Variants in ETDA observed in about 807,000 individuals in gnomAD.
ETDA encodes embryonic testis differentiation homolog A.
At chrX:135,253,200 A>T in intron 2 of ETDA, 28 bp from the exon 3 acceptor site, 1 of 277,658 alleles carries the variant, frequency 3.6e-6, no homozygotes, top group Admixed American at 6.8e-5. Flanking sequence ...GGTACACTTG[A>T]TTACCTAGAA....
At chrX:135,252,416 GT>G (rs2083782953) in intron 1 of ETDA, among the ~76,000 whole-genome samples, 150 bp from the exon 2 acceptor site, 2 of 71,207 alleles carry the variant, frequency 2.8e-5, no homozygotes, top group South Asian at 1.8e-3. Context: ...GCAGAACTGG[GT>G]TTTTGGGGAT....
In ETDA at chrX:135,253,518, G is replaced by C; in HGVS notation, c.*62G>C. 1 of 294,572 alleles carries C rather than the reference G, an allele frequency of 3.4e-6. No individual in the cohort carries two copies. Among genetic ancestry groups the C allele is most frequent in the Non-Finnish European group, 5.9e-6 (1 of 169,147 alleles). The allele number at this position is 294,572 out of a possible 1,213,427, so 24.3% of individuals were successfully genotyped here. A position where few individuals can be genotyped will look rare whatever the true frequency, so the allele number is the denominator to read the frequency against. On this transcript the variant is annotated 3_prime_UTR_variant, in exon 3 of 3. Coordinates refer to ENST00000427686, the MANE Select transcript of ETDA (RefSeq NM_001355522.1). Reference sequence around the variant, plus strand: ...TCATGTGGCTTACGTGCTGAAGCCTGCCCATATTTTTGAGAAATTAAATAT... The same window carrying C: ...TCATGTGGCTTACGTGCTGAAGCCTCCCCATATTTTTGAGAAATTAAATAT...
chrX:135,253,099 C>T, intron 2 of ETDA, 129 bp from the exon 3 acceptor site: 1 of 273,820 alleles, frequency 3.7e-6, no homozygotes, highest in Non-Finnish European at 6.3e-6. Context: ...TCTCCTGTGA[C>T]TACTGCTGGT....
rs2083781007 is a variant in ETDA at position 135,252,086 on chromosome X, A to C, written c.-300A>C. 1 of 61,904 alleles carries C rather than the reference A, an allele frequency of 1.6e-5. No homozygotes were observed. The highest frequency in any genetic ancestry group is 2.9e-5 in the Non-Finnish European group (1 of 34,048). 5.1% of individuals were successfully genotyped at this position (61,904 alleles called of 1,213,427 possible). On this transcript the variant is annotated 5_prime_UTR_variant, in exon 1 of 3. Coordinates refer to ENST00000427686, the MANE Select transcript of ETDA (RefSeq NM_001355522.1). ...CAGATCTTTCTTCAGAAGAAACCTG[A>C]GTGGTCTCACAGGTAAAATATCCTG...
In ETDA at chrX:135,253,493, T is replaced by C. The variant is rs1602577562; in HGVS notation, c.*37T>C. 4 of 292,950 alleles carry C rather than the reference T, an allele frequency of 1.4e-5. No homozygotes were observed. Among genetic ancestry groups the C allele is most frequent in the African/African-American group, 1.1e-4 (4 of 35,830 alleles). 24.1% of individuals were successfully genotyped at this position (292,950 alleles called of 1,213,427 possible). A position where few individuals can be genotyped will look rare whatever the true frequency, so the allele number is the denominator to read the frequency against. ...GGTGGACATGGCCTTGGACAAAAAG[T>C]CATGTGGCTTACGTGCTGAAGCCTG... On this transcript the variant is annotated 3_prime_UTR_variant, in exon 3 of 3. Coordinates refer to ENST00000427686, the MANE Select transcript of ETDA (RefSeq NM_001355522.1).
chrX:135,252,228 T>C (rs1247580230), intron 1 of ETDA, 130 bp downstream of exon 1: 1 of 105,245 alleles, frequency 9.5e-6, no homozygotes, highest in Non-Finnish European at 1.9e-5. Context: ...TTCAAACTGA[T>C]ACAGAGACAC....
chrX:135,253,505 C>T lies in ETDA; in HGVS notation c.*49C>T, dbSNP rs1319714510. ...CTTGGACAAAAAGTCATGTGGCTTACGTGCTGAAGCCTGCCCATATTTTTG... is the reference window on the plus strand; with the variant it reads ...CTTGGACAAAAAGTCATGTGGCTTATGTGCTGAAGCCTGCCCATATTTTTG... On this transcript the variant is annotated 3_prime_UTR_variant, in exon 3 of 3. Transcript: ENST00000427686. The T allele has an allele frequency of 5.1e-5, 15 of 292,930 alleles. No homozygotes were observed. In the East Asian group the frequency reaches 7.2e-4, roughly 14 times the overall value. 24.1% of individuals were successfully genotyped at this position (292,930 alleles called of 1,213,427 possible). A position where few individuals can be genotyped will look rare whatever the true frequency, so the allele number is the denominator to read the frequency against.
intron 1 of ETDA, 108 bp downstream of exon 1, chrX:135,252,206 A>C (rs149661491): frequency 1.9e-5 from 2 of 104,296 alleles, no homozygotes; most frequent in East Asian, 2.9e-4. Flanking sequence ...GAGGTTATCA[A>C]AGAGTCATTT....
Sources: allele counts gnomAD v4.1 joint callset (sites outside exome capture counted in the v4.1 genomes callset), GRCh38; gene constraint gnomAD v4.1.1; transcripts MANE v1.5; gene names NCBI Gene and HGNC (gene_info 2026-07-23, HGNC 2026-07-21).